The following PLCB1 variants were observed in gnomAD, a reference collection of about 807,000 sequenced individuals.
PLCB1 encodes 1-phosphatidylinositol 4,5-bisphosphate phosphodiesterase beta-1.
A neutral mutation model predicts 161.8 loss-of-function variants in PLCB1; 46 were observed. The ratio of observed to expected loss-of-function variants is 0.28; its 90% CI spans 0.22 to 0.36. PLCB1 has a LOEUF of 0.36. Ranked by LOEUF, PLCB1 falls within the 10% of genes least tolerant of loss-of-function variation. The pLI is 1.00. For missense variants in PLCB1, 1,016 were observed against 1,472.5 expected, an observed-to-expected ratio of 0.69 and a Z score of 5.07; for synonymous variants, 517 against 503.7, an observed-to-expected ratio of 1.03 and a Z score of -0.35.
intron 31 of PLCB1, among the ~76,000 whole-genome samples, chr20:8,841,769 C>T (rs1337357559): frequency 6.6e-6 from 1 of 152,232 alleles, no homozygotes; most frequent in Non-Finnish European, 1.5e-5. Context: ...AGGGAGCTGT[C>T]AGACTCTGCA....
intron 1 of PLCB1, among the ~76,000 whole-genome samples, chr20:8,142,557 C>T (rs999976730): frequency 7.9e-5 from 12 of 152,160 alleles, no homozygotes; most frequent in African/African-American, 2.9e-4. Flanking sequence ...ATTTATTTCT[C>T]ATATTCTAAA....
intron 9 of PLCB1, among the ~76,000 whole-genome samples, chr20:8,672,613 G>A (rs1335644744): frequency 6.6e-6 from 1 of 152,038 alleles, no homozygotes; most frequent in Admixed American, 6.6e-5. Context: ...GAGCCTCAGT[G>A]GGGGCCCTTC....
chr20:8,556,655 G>GT (rs1439696828), intron 3 of PLCB1, among the ~76,000 whole-genome samples: 6 of 99,820 alleles, frequency 6.0e-5, no homozygotes, highest in African/African-American at 2.6e-4. Context: ...GGAGAGGGTT[G>GT]GGTGTGTGTG....
chr20:8,185,018 A>G (rs1433029635), intron 2 of PLCB1, among the ~76,000 whole-genome samples: 1 of 151,178 alleles, frequency 6.6e-6, no homozygotes, highest in African/African-American at 2.4e-5. Context: ...TTCAACCCCC[A>G]CTTATGAGTG....
At chr20:8,292,532 T>C (rs558937675) in intron 2 of PLCB1, among the ~76,000 whole-genome samples, 9 of 152,218 alleles carry the variant, frequency 5.9e-5, no homozygotes, top group Admixed American at 1.3e-4. Flanking sequence ...CCTAACCTTA[T>C]AGGTTCAGTG....
At chr20:8,293,396 A>G (rs370052267) in intron 2 of PLCB1, among the ~76,000 whole-genome samples, 1 of 152,284 alleles carries the variant, frequency 6.6e-6, no homozygotes, top group East Asian at 1.9e-4. Flanking sequence ...AGTATACCGG[A>G]GAATTATTTT....
At chr20:8,143,252 T>A (rs1031989473) in intron 1 of PLCB1, among the ~76,000 whole-genome samples, 2 of 152,166 alleles carry the variant, frequency 1.3e-5, no homozygotes, top group African/African-American at 4.8e-5. Flanking sequence ...CTACTTCTTC[T>A]CAGCCTTCCA....
intron 20 of PLCB1, 86 bp from the exon 21 acceptor site, chr20:8,739,175 C>A: frequency 1.2e-6 from 1 of 863,062 alleles, no homozygotes; most frequent in Non-Finnish European, 2.0e-6. Context: ...AAAAGAAAAG[C>A]TAGTCCTGAT....
At chr20:8,179,503 T>A (rs1036261242) in intron 2 of PLCB1, among the ~76,000 whole-genome samples, 1 of 152,238 alleles carries the variant, frequency 6.6e-6, no homozygotes, top group Non-Finnish European at 1.5e-5. Context: ...GAAAATTTGC[T>A]GAAGTTGTTT....
chr20:8,442,552 T>G (rs1274855377), intron 3 of PLCB1, among the ~76,000 whole-genome samples: 1 of 152,208 alleles, frequency 6.6e-6, no homozygotes, highest in Non-Finnish European at 1.5e-5. Flanking sequence ...ACTGAGGCAA[T>G]AACAAACATT....
intron 2 of PLCB1, among the ~76,000 whole-genome samples, chr20:8,348,863 A>C (rs1986083845): frequency 6.6e-6 from 1 of 152,182 alleles, no homozygotes; most frequent in Non-Finnish European, 1.5e-5. Context: ...TAAAAACAGA[A>C]ATCAAAATCA....
At chr20:8,578,503 G>A (rs1986742795) in intron 3 of PLCB1, among the ~76,000 whole-genome samples, 1 of 152,208 alleles carries the variant, frequency 6.6e-6, no homozygotes, top group Admixed American at 6.5e-5. Context: ...AGTTGTGATG[G>A]AGAACACATG....
chr20:8,228,137 C>T (rs958223837), intron 2 of PLCB1, among the ~76,000 whole-genome samples: 4 of 151,094 alleles, frequency 2.6e-5, no homozygotes, highest in Admixed American at 6.6e-5. Flanking sequence ...CCAGCCCTGG[C>T]GACAGAAGTG....
intron 2 of PLCB1, among the ~76,000 whole-genome samples, chr20:8,239,496 C>A (rs564172573): frequency 2.6e-4 from 39 of 151,658 alleles, no homozygotes; most frequent in South Asian, 6.2e-4. Context: ...GTACCAAATG[C>A]AGTTTGAAAA....
chr20:8,768,505 G>A (rs1982490567), intron 26 of PLCB1, among the ~76,000 whole-genome samples: 1 of 152,174 alleles, frequency 6.6e-6, no homozygotes, highest in Non-Finnish European at 1.5e-5. Context: ...CTGAGGTTCT[G>A]GGCAGAACCT....
intron 2 of PLCB1, among the ~76,000 whole-genome samples, chr20:8,167,687 A>G (rs1467121151): frequency 6.6e-6 from 1 of 152,196 alleles, no homozygotes; most frequent in Non-Finnish European, 1.5e-5. Context: ...TTTTTAAATT[A>G]TGAGTTGTCT....
intron 3 of PLCB1, among the ~76,000 whole-genome samples, chr20:8,470,120 T>C (rs1353561347): frequency 6.6e-6 from 1 of 152,208 alleles, no homozygotes; most frequent in East Asian, 1.9e-4. Context: ...TTCCATTTTA[T>C]GGTCAAATAA....
At chr20:8,634,349 C>G (rs1035624906) in intron 4 of PLCB1, among the ~76,000 whole-genome samples, 5 of 152,144 alleles carry the variant, frequency 3.3e-5, no homozygotes, top group African/African-American at 1.2e-4. Context: ...ATTCTTCCCC[C>G]TCTGTAGCTG....
intron 3 of PLCB1, among the ~76,000 whole-genome samples, chr20:8,472,942 C>T (rs1470970066): frequency 6.6e-6 from 1 of 152,140 alleles, no homozygotes; most frequent in African/African-American, 2.4e-5. Flanking sequence ...CCATGATTCA[C>T]ATGGCCGGCA....
Sources: gnomAD v4.1 joint callset for allele counts (sites outside exome capture counted in the v4.1 genomes callset) on GRCh38, gnomAD v4.1.1 for gene constraint, MANE v1.5 for transcripts, NCBI Gene and HGNC (gene_info 2026-07-23, HGNC 2026-07-21) for gene names.